Variants in DNAJC6 observed in about 807,000 individuals in gnomAD.
DNAJC6 encodes auxilin.
DNAJC6 carries 34 observed loss-of-function variants against 110.0 expected under a neutral mutation model. The ratio of observed to expected loss-of-function variants is 0.31; its 90% CI spans 0.24 to 0.41. The LOEUF (loss-of-function observed/expected upper bound fraction) is 0.41, where lower values mean the gene tolerates loss of function less well. Ranked by LOEUF, DNAJC6 falls within the 10% of genes least tolerant of loss-of-function variation. The pLI, the probability that DNAJC6 is intolerant of heterozygous loss-of-function variation, is 1.00. For missense variants in DNAJC6, 1,031 were observed against 1,207.8 expected, an observed-to-expected ratio of 0.85 and a Z score of 2.17; for synonymous variants, 406 against 437.2, an observed-to-expected ratio of 0.93 and a Z score of 0.89.
chr1:65,379,618 A>G (rs760035549), intron 5 of DNAJC6, 94 bp downstream of exon 5: 205 of 1,502,820 alleles, frequency 1.4e-4, no homozygotes, highest in Admixed American at 4.4e-4. Context: ...TTTGAGTTCA[A>G]TAGGATTTAC....
chr1:65,406,232 G>A (rs1244764237), intron 16 of DNAJC6, 99 bp downstream of exon 16: 5 of 1,467,226 alleles, frequency 3.4e-6, no homozygotes, highest in Non-Finnish European at 4.6e-6. Context: ...TTTCTGGGTA[G>A]TTTCAATTCA....
rs576496508 is a variant in DNAJC6 at position 65,340,994 on chromosome 1, A to G, written c.194-23641A>G. On this transcript the variant is annotated intron_variant, in intron 1 of 18. Transcript: ENST00000371069. ...ACCTAGGCTGACATTTAACCTTGGG[A>G]ACCTCTTGCACCACTGTTTGCCAGA... is the stretch of plus-strand genomic sequence containing the variant. 1.5e-4 allele frequency among the ~76,000 whole-genome samples: 23 copies of G among 152,236 alleles called. No individual in the cohort carries two copies. In the South Asian group the frequency reaches 4.8e-3, roughly 32 times the overall value.
chr1:65,267,824 T>A (rs1280821179), intron 1 of DNAJC6, among the ~76,000 whole-genome samples: 1 of 151,996 alleles, frequency 6.6e-6, no homozygotes, highest in Non-Finnish European at 1.5e-5. Context: ...AAGTATCCCT[T>A]TAGGGCTGCT....
Position 65,360,248 on chromosome 1 carries a change from C to G in DNAJC6, c.194-4387C>G, listed in dbSNP as rs59663052. Among the ~76,000 whole-genome samples, 1,011 of 152,272 alleles carry G rather than the reference C, an allele frequency of 6.6e-3. 12 individuals are homozygous for G. The highest frequency in any genetic ancestry group is 0.023 in the African/African-American group (966 of 41,540). On this transcript the variant is annotated intron_variant, in intron 1 of 18. Coordinates refer to ENST00000371069, the MANE Select transcript of DNAJC6 (RefSeq NM_001256864.2). ...AGCAACATCAAATAATGCCCCTCTT[C>G]TTTTTTGTGTGGCCTTGCCAGTTCA...
chr1:65,391,391 A>C (rs1645924038), intron 11 of DNAJC6, among the ~76,000 whole-genome samples: 1 of 152,144 alleles, frequency 6.6e-6, no homozygotes, highest in Non-Finnish European at 1.5e-5. Context: ...TTGTGGGAAG[A>C]TCTATCTCAG....
At chr1:65,334,915 A>T (rs1645321153) in intron 1 of DNAJC6, among the ~76,000 whole-genome samples, 1 of 152,224 alleles carries the variant, frequency 6.6e-6, no homozygotes, top group Non-Finnish European at 1.5e-5. Context: ...CACCTACAAG[A>T]TAAAATTCAA....
At chr1:65,267,704 T>A (rs1009015893) in intron 1 of DNAJC6, among the ~76,000 whole-genome samples, 1 of 151,372 alleles carries the variant, frequency 6.6e-6, no homozygotes, top group African/African-American at 2.4e-5. Flanking sequence ...AAAGAGAGAG[T>A]CAATAGTTTT....
At chr1:65,389,673 A>T (rs763701367) in intron 11 of DNAJC6, 46 bp downstream of exon 11, 31 of 1,594,854 alleles carry the variant, frequency 1.9e-5, no homozygotes, top group Non-Finnish European at 4.3e-6. Context: ...ATGATTATGT[A>T]TTTCTTCTGT....
intron 1 of DNAJC6, among the ~76,000 whole-genome samples, chr1:65,337,027 A>T (rs1645344089): frequency 6.6e-6 from 1 of 151,728 alleles, no homozygotes; most frequent in Admixed American, 6.6e-5. Context: ...GTTGGGAAAA[A>T]AAACCAGGCC....
chr1:65,305,624 C>G (rs1474278065), upstream of DNAJC6, among the ~76,000 whole-genome samples: 5 of 152,112 alleles, frequency 3.3e-5, no homozygotes, highest in African/African-American at 1.2e-4. Context: ...TTTGGAGTGT[C>G]ATGGGGGACA....
intron 6 of DNAJC6, 136 bp from the exon 7 acceptor site, chr1:65,385,576 A>G: frequency 1.4e-6 from 1 of 712,206 alleles, no homozygotes. Context: ...ATCTTTTGCT[A>G]GTTAATATTT....
intron 1 of DNAJC6, among the ~76,000 whole-genome samples, chr1:65,311,516 C>G (rs1238999735): frequency 6.6e-6 from 1 of 151,988 alleles, no homozygotes; most frequent in African/African-American, 2.4e-5. Context: ...TGAGCCACCG[C>G]GCCCAGGCAG....
chr1:65,292,614 T>C (rs982511850), intron 1 of DNAJC6, among the ~76,000 whole-genome samples: 1 of 151,940 alleles, frequency 6.6e-6, no homozygotes, highest in Non-Finnish European at 1.5e-5. Flanking sequence ...TAATTTTTTT[T>C]TGTAGAGATG....
intron 1 of DNAJC6, among the ~76,000 whole-genome samples, chr1:65,291,440 G>C (rs1330215958): frequency 6.6e-6 from 1 of 152,174 alleles, no homozygotes; most frequent in African/African-American, 2.4e-5. Flanking sequence ...AGGAAAGTTA[G>C]TAATGAATCT....
At chr1:65,272,444 G>A (rs1653535107) in intron 1 of DNAJC6, among the ~76,000 whole-genome samples, 1 of 152,162 alleles carries the variant, frequency 6.6e-6, no homozygotes, top group Admixed American at 6.5e-5. Context: ...CTAATATTTT[G>A]TTGAGGATTA....
intron 6 of DNAJC6, among the ~76,000 whole-genome samples, chr1:65,385,110 A>C (rs1218513771): frequency 6.6e-6 from 1 of 152,206 alleles, no homozygotes; most frequent in African/African-American, 2.4e-5. Context: ...GGTTATACTT[A>C]TCACTGGTGA....
rs1055885508 is a variant in DNAJC6, at chr1:65,392,354, A to T, written c.1469-77A>T. On this transcript the variant is annotated intron_variant, in intron 11 of 18. Coordinates refer to ENST00000371069, the MANE Select transcript of DNAJC6 (RefSeq NM_001256864.2). ...TGAATCCTTCTGTCTTTCTGGAATTATATACATATATTATAACAAAAACCA... is the reference window on the plus strand; with the variant it reads ...TGAATCCTTCTGTCTTTCTGGAATTTTATACATATATTATAACAAAAACCA... The T allele has an allele frequency of 3.0e-6, 4 of 1,325,994 alleles. No homozygotes were observed. In the African/African-American group the frequency reaches 4.5e-5, roughly 15 times the overall value. 82.1% of individuals were successfully genotyped at this position (1,325,994 alleles called of 1,614,324 possible).
intron 10 of DNAJC6, 27 bp from the exon 11 acceptor site, chr1:65,389,520 A>G: frequency 6.2e-7 from 1 of 1,613,894 alleles, no homozygotes; most frequent in African/African-American, 1.3e-5. Context: ...TGTCTCATTG[A>G]TGCTACATGG....
chr1:65,368,694 C>CCTCTTCCTCCTT (rs1345817122), intron 4 of DNAJC6, among the ~76,000 whole-genome samples: 208 of 115,816 alleles, frequency 1.8e-3, no homozygotes, highest in African/African-American at 7.7e-3. Flanking sequence ...CCTTCCTCCT[C>CCTCTTCCTCCTT]CTCTTCCTCC....
Sources: allele counts gnomAD v4.1 joint callset (sites outside exome capture counted in the v4.1 genomes callset), GRCh38; gene constraint gnomAD v4.1.1; transcripts MANE v1.5; gene names NCBI Gene and HGNC (gene_info 2026-07-23, HGNC 2026-07-21).